The following NELL1 variants were observed in gnomAD, a reference collection of about 807,000 sequenced individuals.
NELL1 encodes protein kinase C-binding protein NELL1.
A neutral mutation model predicts 107.4 loss-of-function variants in NELL1; 76 were observed. That is an observed-to-expected ratio of 0.71 (90% CI 0.59 to 0.86). NELL1 has a LOEUF of 0.86. Ranked by LOEUF, NELL1 falls within the 40% of genes least tolerant of loss-of-function variation. NELL1 has a pLI of 0.00. For missense variants in NELL1, 1,024 were observed against 1,005.5 expected, an observed-to-expected ratio of 1.02 and a Z score of -0.25; for synonymous variants, 353 against 341.2, an observed-to-expected ratio of 1.03 and a Z score of -0.38.
At chr11:20,871,424 T>C (rs1849194762) in intron 4 of NELL1, among the ~76,000 whole-genome samples, 1 of 152,198 alleles carries the variant, frequency 6.6e-6, no homozygotes, top group African/African-American at 2.4e-5. Flanking sequence ...GGATATAATA[T>C]TATTTTCAAA....
intron 14 of NELL1, among the ~76,000 whole-genome samples, chr11:21,264,216 A>G (rs985527387): frequency 6.6e-6 from 1 of 151,840 alleles, no homozygotes; most frequent in African/African-American, 2.4e-5. Flanking sequence ...AGGGAAAAAG[A>G]GCACAGGCTT....
intron 15 of NELL1, among the ~76,000 whole-genome samples, chr11:21,388,193 GATGACATTGT>G (rs1851790459): frequency 6.6e-6 from 1 of 151,538 alleles, no homozygotes; most frequent in African/African-American, 2.4e-5. Flanking sequence ...GTGTCAGAAA[GATGACATTGT>G]AATACCTGTA....
chr11:20,983,125 C>T (rs1466510028), intron 12 of NELL1, among the ~76,000 whole-genome samples: 1 of 152,114 alleles, frequency 6.6e-6, no homozygotes, highest in Non-Finnish European at 1.5e-5. Context: ...CTCTGGGGAC[C>T]TGCAAGTATT....
chr11:21,251,416 C>T (rs1162040991), intron 14 of NELL1, among the ~76,000 whole-genome samples: 4 of 152,042 alleles, frequency 2.6e-5, no homozygotes, highest in African/African-American at 4.8e-5. Flanking sequence ...AATTGAAGAT[C>T]CAAGCATATA....
intron 14 of NELL1, among the ~76,000 whole-genome samples, chr11:21,237,105 T>C (rs1858228344): frequency 6.6e-6 from 1 of 152,128 alleles, no homozygotes; most frequent in African/African-American, 2.4e-5. Flanking sequence ...AATGTATTTC[T>C]TGTCCATGGG....
chr11:21,114,117 A>G (rs1477504665), intron 13 of NELL1, among the ~76,000 whole-genome samples: 2 of 152,022 alleles, frequency 1.3e-5, no homozygotes, highest in Non-Finnish European at 2.9e-5. Flanking sequence ...AAATTTAAAG[A>G]GGTGACAGGG....
intron 13 of NELL1, among the ~76,000 whole-genome samples, chr11:21,158,099 C>T (rs1250714901): frequency 3.3e-5 from 5 of 152,128 alleles, no homozygotes; most frequent in Admixed American, 6.5e-5. Context: ...GTCTTCTGGC[C>T]TCCAACTTTC....
intron 15 of NELL1, among the ~76,000 whole-genome samples, chr11:21,426,466 T>C (rs1310967161): frequency 2.0e-5 from 3 of 152,224 alleles, no homozygotes; most frequent in Non-Finnish European, 4.4e-5. Flanking sequence ...GAAGATATTT[T>C]AAAGACTTTC....
At chr11:20,881,723 T>C (rs997282481) in intron 4 of NELL1, among the ~76,000 whole-genome samples, 2 of 152,154 alleles carry the variant, frequency 1.3e-5, no homozygotes, top group Non-Finnish European at 2.9e-5. Flanking sequence ...TGTTTTTTTT[T>C]TCCCTTTCTG....
intron 13 of NELL1, among the ~76,000 whole-genome samples, chr11:21,133,942 T>C (rs1229489346): frequency 6.6e-6 from 1 of 152,212 alleles, no homozygotes; most frequent in African/African-American, 2.4e-5. Context: ...GCAGGCTCCA[T>C]GGGGCACGTA....
At chr11:21,474,650 T>C (rs1195703697) in intron 15 of NELL1, among the ~76,000 whole-genome samples, 1 of 152,150 alleles carries the variant, frequency 6.6e-6, no homozygotes, top group Non-Finnish European at 1.5e-5. Flanking sequence ...TTGAAGAGCA[T>C]GCTCTAGTAA....
chr11:21,410,471 A>G (rs1334325493), intron 15 of NELL1, among the ~76,000 whole-genome samples: 1 of 151,958 alleles, frequency 6.6e-6, no homozygotes, highest in African/African-American at 2.4e-5. Flanking sequence ...GTTTTTCCCC[A>G]TCTTTTATAT....
At chr11:21,090,121 A>G (rs1410086758) in intron 12 of NELL1, among the ~76,000 whole-genome samples, 1 of 152,188 alleles carries the variant, frequency 6.6e-6, no homozygotes, top group African/African-American at 2.4e-5. Flanking sequence ...TGAGATGTAC[A>G]ATAATACAGA....
chr11:21,311,594 CTT>C (rs1323507886), intron 14 of NELL1, among the ~76,000 whole-genome samples: 1 of 152,136 alleles, frequency 6.6e-6, no homozygotes, highest in Non-Finnish European at 1.5e-5. Flanking sequence ...CCTCAATTAA[CTT>C]TTAATGCAAG....
chr11:21,517,657 A>G (rs1290664429), intron 15 of NELL1, among the ~76,000 whole-genome samples: 4 of 152,310 alleles, frequency 2.6e-5, no homozygotes, highest in South Asian at 2.1e-4. Context: ...AACCAGTATC[A>G]CTATGGCTAA....
chr11:21,536,616 C>T (rs999942017), intron 16 of NELL1, among the ~76,000 whole-genome samples: 5 of 152,234 alleles, frequency 3.3e-5, no homozygotes, highest in South Asian at 2.1e-4. Context: ...TATTGAGCAG[C>T]GAATGGGCTT....
chr11:21,009,394 T>C (rs1286115953), intron 12 of NELL1, among the ~76,000 whole-genome samples: 1 of 152,154 alleles, frequency 6.6e-6, no homozygotes, highest in African/African-American at 2.4e-5. Flanking sequence ...GCATTGCTTG[T>C]GTTCGTGGTG....
intron 14 of NELL1, among the ~76,000 whole-genome samples, chr11:21,333,407 TATAGAA>T (rs1021490673): frequency 6.6e-6 from 1 of 152,048 alleles, no homozygotes; most frequent in African/African-American, 2.4e-5. Flanking sequence ...TTGTTGTGAT[TATAGAA>T]ATAGAAATAG....
intron 13 of NELL1, among the ~76,000 whole-genome samples, chr11:21,198,550 C>T (rs932008458): frequency 2.0e-5 from 3 of 152,288 alleles, no homozygotes; most frequent in East Asian, 3.9e-4. Flanking sequence ...GAGACAGGTG[C>T]GTCAGACTGC....
Sources: allele counts gnomAD v4.1 joint callset (sites outside exome capture counted in the v4.1 genomes callset), GRCh38; gene constraint gnomAD v4.1.1; transcripts MANE v1.5; gene names NCBI Gene and HGNC (gene_info 2026-07-23, HGNC 2026-07-21).